Variants in RAB3GAP2 observed in about 807,000 individuals in gnomAD.
RAB3GAP2 encodes the protein rab3 GTPase-activating protein non-catalytic subunit.
A neutral mutation model predicts 185.3 loss-of-function variants in RAB3GAP2; 87 were observed. The observed-to-expected ratio is 0.47, with a 90% CI of 0.39 to 0.56. The LOEUF (loss-of-function observed/expected upper bound fraction) is 0.56. RAB3GAP2 is among the 20% of genes least tolerant of loss of function. The pLI is 0.00. For missense variants in RAB3GAP2, 1,492 were observed against 1,638.2 expected (o/e 0.91, Z 1.54); for synonymous variants, 554 against 576.1 (o/e 0.96, Z 0.55).
intron 2 of RAB3GAP2, among the ~76,000 whole-genome samples, chr1:220,222,263 C>T (rs1050683364): frequency 4.0e-5 from 6 of 151,494 alleles, no homozygotes; most frequent in Admixed American, 1.3e-4. Context: ...CAATATTTTT[C>T]AAACTTTCTT....
chr1:220,154,087 G>A (rs1456349127), intron 31 of RAB3GAP2, 30 bp from the exon 32 acceptor site: 4 of 1,611,744 alleles, frequency 2.5e-6, no homozygotes, highest in Non-Finnish European at 3.4e-6. Context: ...GAAAACTGAT[G>A]AGTGTGGATT....
chr1:220,201,896 G>A (rs536791887), intron 9 of RAB3GAP2, among the ~76,000 whole-genome samples: 32 of 152,210 alleles, frequency 2.1e-4, no homozygotes, highest in South Asian at 2.1e-3. Context: ...AATTTTGGCC[G>A]GGTGCAGTGG....
intron 1 of RAB3GAP2, among the ~76,000 whole-genome samples, chr1:220,261,699 C>G (rs1461789285): frequency 6.6e-6 from 1 of 152,224 alleles, no homozygotes; most frequent in Non-Finnish European, 1.5e-5. Context: ...ACTGCCCAAT[C>G]TATTCTCTTT....
intron 1 of RAB3GAP2, among the ~76,000 whole-genome samples, chr1:220,233,700 G>A (rs1355149477): frequency 1.3e-5 from 2 of 152,034 alleles, no homozygotes; most frequent in East Asian, 1.9e-4. Flanking sequence ...TACATATAAA[G>A]TGTATGTGTT....
chr1:220,239,883 G>C (rs955013138), intron 1 of RAB3GAP2, among the ~76,000 whole-genome samples: 1 of 151,288 alleles, frequency 6.6e-6, no homozygotes, highest in African/African-American at 2.4e-5. Flanking sequence ...AAACCAATTT[G>C]CTCAATTACA....
chr1:220,184,252 G>A (rs2102866184), intron 18 of RAB3GAP2, 89 bp from the exon 19 acceptor site: 1 of 1,230,590 alleles, frequency 8.1e-7, no homozygotes, highest in Non-Finnish European at 1.2e-6. Context: ...TCAATATTAT[G>A]TAATTCCCTG....
chr1:220,199,338 T>C (rs991464956), intron 9 of RAB3GAP2, among the ~76,000 whole-genome samples: 1 of 152,212 alleles, frequency 6.6e-6, no homozygotes, highest in Non-Finnish European at 1.5e-5. Flanking sequence ...CTATTTCTTA[T>C]GCTCCTTGTT....
chr1:220,185,749 A>G lies in RAB3GAP2; in HGVS notation c.1780-8T>C. On this transcript the variant is annotated splice_polypyrimidine_tract_variant and splice_region_variant and intron_variant, in intron 17 of 34. Transcript: ENST00000358951. Reference sequence around the variant, plus strand: ...CAAAATGCTTTCCAAAGCCTAGGAGAAAGATATTGAACAGTTCTAGTAATT... The same window carrying G: ...CAAAATGCTTTCCAAAGCCTAGGAGGAAGATATTGAACAGTTCTAGTAATT... 6.3e-7 allele frequency: 1 copy of G among 1,598,034 alleles called. No homozygotes were observed. The highest frequency in any genetic ancestry group is 8.6e-7 in the Non-Finnish European group (1 of 1,165,942).
intron 2 of RAB3GAP2, among the ~76,000 whole-genome samples, chr1:220,218,835 C>CG (rs1659248930): frequency 6.6e-6 from 1 of 152,054 alleles, no homozygotes; most frequent in African/African-American, 2.4e-5. Context: ...CACAACCACA[C>CG]GGGGGAGCAG....
intron 1 of RAB3GAP2, among the ~76,000 whole-genome samples, chr1:220,244,985 T>TA (rs1422749603): frequency 2.6e-5 from 4 of 152,086 alleles, no homozygotes; most frequent in South Asian, 2.1e-4. Flanking sequence ...CTATTTAAAT[T>TA]AAAAAACTTC....
intron 9 of RAB3GAP2, among the ~76,000 whole-genome samples, chr1:220,198,810 A>G (rs150756908): frequency 5.9e-4 from 90 of 152,266 alleles, no homozygotes; most frequent in African/African-American, 2.1e-3. Flanking sequence ...AAGACATCAA[A>G]GTCCCTCTCA....
At chr1:220,236,279 C>A (rs1659589719) in intron 1 of RAB3GAP2, among the ~76,000 whole-genome samples, 1 of 152,078 alleles carries the variant, frequency 6.6e-6, no homozygotes, top group Non-Finnish European at 1.5e-5. Context: ...CTGGTTCAAG[C>A]GAGTCTCCTG....
chr1:220,164,700 A>G (rs1364366930), intron 27 of RAB3GAP2, 33 bp downstream of exon 27: 2 of 1,587,216 alleles, frequency 1.3e-6, no homozygotes, highest in Non-Finnish European at 1.7e-6. Context: ...CTTTTAGATC[A>G]AACAGTGATG....
At chr1:220,198,578 T>C (rs1571895683) in intron 9 of RAB3GAP2, among the ~76,000 whole-genome samples, 1 of 152,198 alleles carries the variant, frequency 6.6e-6, no homozygotes, top group African/African-American at 2.4e-5. Flanking sequence ...CTTATTTACA[T>C]CTCTCTTTCT....
intron 17 of RAB3GAP2, 28 bp downstream of exon 17, chr1:220,189,675 G>A (rs1211481278): frequency 6.5e-7 from 1 of 1,545,300 alleles, no homozygotes; most frequent in Middle Eastern, 1.7e-4. Flanking sequence ...GCTACTAGCA[G>A]GAAAGTTCGT....
At chr1:220,201,386 A>G (rs911846278) in intron 9 of RAB3GAP2, among the ~76,000 whole-genome samples, 17 of 152,240 alleles carry the variant, frequency 1.1e-4, no homozygotes, top group Non-Finnish European at 2.4e-4. Flanking sequence ...GTCATTATAT[A>G]GACCAAATTT....
At chr1:220,267,181 T>A in intron 1 of RAB3GAP2, 2 of 1,022,114 alleles carry the variant, frequency 2.0e-6, no homozygotes, top group Non-Finnish European at 3.1e-6. Flanking sequence ...TGAATGACAG[T>A]AAGACAGGGC....
intron 6 of RAB3GAP2, 78 bp from the exon 7 acceptor site, chr1:220,210,567 C>T: frequency 8.7e-7 from 1 of 1,154,766 alleles, no homozygotes; most frequent in Non-Finnish European, 1.3e-6. Flanking sequence ...GCAAAGAGTA[C>T]CATTTCCCCA....
At chr1:220,256,002 A>C (rs1485848995) in intron 1 of RAB3GAP2, among the ~76,000 whole-genome samples, 1 of 152,182 alleles carries the variant, frequency 6.6e-6, no homozygotes, top group Non-Finnish European at 1.5e-5. Context: ...GGTCAAAATG[A>C]AAGAAAAAAT....
Sources: gnomAD v4.1 joint callset for allele counts (sites outside exome capture counted in the v4.1 genomes callset) on GRCh38, gnomAD v4.1.1 for gene constraint, MANE v1.5 for transcripts, NCBI Gene and HGNC (gene_info 2026-07-23, HGNC 2026-07-21) for gene names.